IARS1: variants seen among roughly 807,000 people sequenced by gnomAD.
The protein encoded by IARS1 is isoleucyl-tRNA synthetase 1, also known as isoleucine--tRNA ligase, cytoplasmic.
In IARS1, 124 loss-of-function variants were observed where a neutral mutation model predicts 168.2. The observed-to-expected ratio is 0.74, with a 90% CI of 0.64 to 0.86. The LOEUF (loss-of-function observed/expected upper bound fraction) is 0.86. Ranked by LOEUF, IARS1 falls within the 40% of genes least tolerant of loss-of-function variation. The probability of loss-of-function intolerance (pLI) is 0.00; values close to 1 mark genes in which losing one functional copy is unlikely to be tolerated. For synonymous variants in IARS1, 532 were observed against 529.4 expected (o/e 1.00, Z -0.07); for missense variants, 1,452 against 1,515.8 (o/e 0.96, Z 0.70).
rs558382835 is a variant in IARS1, at chr9:92,226,654, T to C, written c.3409+2347A>G. On this transcript the variant is annotated intron_variant, in intron 31 of 33. Transcript: ENST00000443024. ...GCAGATGTGCTCCCTCTGAAACCTG[T>C]AGGCGAATTCTTTTTTGCCTCTTCC... Among the ~76,000 whole-genome samples, 9 of 152,266 alleles carry C rather than the reference T, an allele frequency of 5.9e-5. No individual in the cohort carries two copies. The South Asian group carries it at 1.9e-3, about 32-fold the overall frequency.
chr9:92,213,386 G>A (rs920608698), intron 33 of IARS1, among the ~76,000 whole-genome samples: 11 of 152,202 alleles, frequency 7.2e-5, no homozygotes, highest in Admixed American at 7.2e-4. Context: ...TGAAGAGAAT[G>A]TAATCGGTTA....
Position 92,271,009 on chromosome 9 carries a change from G to A in IARS1, c.1181C>T (p.Thr394Ile). The A allele has an allele frequency of 6.2e-7, 1 of 1,612,324 alleles. No individual in the cohort carries two copies. Among genetic ancestry groups the A allele is most frequent in the Non-Finnish European group, 8.5e-7 (1 of 1,179,006 alleles). Residue 394 changes from threonine to isoleucine, a missense_variant, in exon 12 of 34, where the codon ACT becomes ATT. Thr to Ile is a moderately conservative substitution (Grantham distance 89). Transcript: ENST00000443024. The part of the protein sequence containing the change: ...QGRLLVATTF[T>I]HSYPFCWRSD... ...CCTCCAGCAAAAAGGGTAGCTGTGA[G>A]TGAAGGTGGTGGCAACCAGAAGTCG...
intron 33 of IARS1, among the ~76,000 whole-genome samples, chr9:92,218,125 C>T (rs1305036377): frequency 6.6e-6 from 1 of 151,988 alleles, no homozygotes; most frequent in Non-Finnish European, 1.5e-5. Context: ...TCAATATACG[C>T]AAATCAGTAA....
At position 92,289,176 on chromosome 9, in the gene IARS1, C is replaced by CAGCCTGGATGACAGTGCG. The variant is rs1835919791; in HGVS notation, c.119+107_119+124dup. The CAGCCTGGATGACAGTGCG allele has an allele frequency of 5.9e-6, 3 of 511,168 alleles. No homozygotes were observed. The Admixed American group carries it at 1.2e-4, about 20-fold the overall frequency. The allele number at this position is 511,168 out of a possible 1,614,324, so 31.7% of individuals were successfully genotyped here. The stretch of plus-strand genomic sequence containing the variant: ...GAGCAGAGATTGCACCACTGCCCTC[C>CAGCCTGGATGACAGTGCG]AGCCTGGATGACAGTGCGAGACTCC... On this transcript the variant is annotated intron_variant, in intron 2 of 33. Transcript: ENST00000443024.
At chr9:92,244,927 G>T in intron 27 of IARS1, 32 bp downstream of exon 27, 1 of 1,536,374 alleles carries the variant, frequency 6.5e-7, no homozygotes, top group Non-Finnish European at 9.0e-7. Flanking sequence ...TCATCTCTTG[G>T]TAAAGAAATG....
intron 14 of IARS1, among the ~76,000 whole-genome samples, chr9:92,267,383 C>T (rs1300746186): frequency 2.0e-5 from 3 of 152,168 alleles, no homozygotes; most frequent in Non-Finnish European, 2.9e-5. Flanking sequence ...AGGGTGCTGC[C>T]GCTCATCACT....
At chr9:92,249,829 A>G in intron 25 of IARS1, 29 bp downstream of exon 25, 2 of 1,171,844 alleles carry the variant, frequency 1.7e-6, no homozygotes, top group Non-Finnish European at 2.5e-6. Flanking sequence ...GTCTATCTGT[A>G]CCAAAAACAG....
chr9:92,247,774 G>A lies in IARS1; in HGVS notation c.2617-223C>T, dbSNP rs191592007. ...CATATGTGCTACAACATAAATTAATGTGAAACATTATGCTAGGTGAAACAC... is the reference window on the plus strand; with the variant it reads ...CATATGTGCTACAACATAAATTAATATGAAACATTATGCTAGGTGAAACAC... On this transcript the variant is annotated intron_variant, in intron 25 of 33. Transcript: ENST00000443024. Among the ~76,000 whole-genome samples the A allele has an allele frequency of 9.2e-5, 14 of 152,298 alleles. No individual in the cohort carries two copies. In the East Asian group the frequency reaches 2.7e-3, roughly 29 times the overall value.
At chr9:92,281,626 T>C (rs1248014643) in intron 6 of IARS1, among the ~76,000 whole-genome samples, 1 of 152,044 alleles carries the variant, frequency 6.6e-6, no homozygotes. Flanking sequence ...AACAGACCCA[T>C]ATAAATTCAG....
chr9:92,241,851 A>G (rs1828455692), intron 29 of IARS1, among the ~76,000 whole-genome samples: 1 of 152,174 alleles, frequency 6.6e-6, no homozygotes, highest in Non-Finnish European at 1.5e-5. Context: ...AATTACCAGA[A>G]TCCACACACT....
At chr9:92,278,545 A>AT (rs1408635181) in intron 7 of IARS1, among the ~76,000 whole-genome samples, 10 of 152,160 alleles carry the variant, frequency 6.6e-5, no homozygotes, top group Non-Finnish European at 1.5e-4. Flanking sequence ...GTAAATCTTT[A>AT]TTTTTTCCTT....
intron 14 of IARS1, among the ~76,000 whole-genome samples, chr9:92,267,084 T>C: frequency 6.6e-6 from 1 of 152,158 alleles, no homozygotes; most frequent in Non-Finnish European, 1.5e-5. Context: ...CATGACTATA[T>C]TATGCTTGGA....
At chr9:92,232,759 G>A (rs1477813635) in intron 30 of IARS1, among the ~76,000 whole-genome samples, 1 of 152,126 alleles carries the variant, frequency 6.6e-6, no homozygotes, top group Non-Finnish European at 1.5e-5. Flanking sequence ...GACCAGACTG[G>A]GCAGTGTAGT....
rs149390733 is a variant in IARS1, at chr9:92,238,793, A to G, written c.3283+2063T>C. 2.3e-3 allele frequency among the ~76,000 whole-genome samples: 355 copies of G among 152,274 alleles called. 4 individuals are homozygous for G. Among genetic ancestry groups the G allele is most frequent in the African/African-American group, 8.0e-3 (333 of 41,554 alleles). ...AACTTCCTAAGGTCCACTGGTGTCAATATTTTACCGGTTTGTGACAAATGT... is the reference window on the plus strand; with the variant it reads ...AACTTCCTAAGGTCCACTGGTGTCAGTATTTTACCGGTTTGTGACAAATGT... On this transcript the variant is annotated intron_variant, in intron 30 of 33. Coordinates refer to ENST00000443024, the MANE Select transcript of IARS1 (RefSeq NM_002161.6).
chr9:92,290,399 T>C (rs781220848), intron 1 of IARS1, among the ~76,000 whole-genome samples: 1 of 152,348 alleles, frequency 6.6e-6, no homozygotes. Flanking sequence ...GGGCTCTTTT[T>C]GTGGTTGGGT....
intron 30 of IARS1, among the ~76,000 whole-genome samples, chr9:92,237,732 G>A (rs1054017402): frequency 6.6e-6 from 1 of 152,106 alleles, no homozygotes; most frequent in Non-Finnish European, 1.5e-5. Context: ...TTGCTCTGAA[G>A]TCTGTTTCAT....
chr9:92,258,451 C>G (rs931779807), intron 19 of IARS1, among the ~76,000 whole-genome samples: 41 of 152,242 alleles, frequency 2.7e-4, no homozygotes, highest in African/African-American at 8.9e-4. Context: ...AAACAATTAG[C>G]CAGGCATGGT....
chr9:92,275,916 A>G (rs969631473), intron 9 of IARS1, among the ~76,000 whole-genome samples: 1 of 152,232 alleles, frequency 6.6e-6, no homozygotes, highest in African/African-American at 2.4e-5. Context: ...GTGTTATTCA[A>G]CTTAATACCT....
intron 8 of IARS1, 119 bp from the exon 9 acceptor site, chr9:92,278,042 T>C (rs1834009517): frequency 1.8e-6 from 2 of 1,109,000 alleles, no homozygotes; most frequent in Non-Finnish European, 2.7e-6. Context: ...ATTCATGCTG[T>C]AATGTGTGAC....
Sources: allele counts gnomAD v4.1 joint callset (sites outside exome capture counted in the v4.1 genomes callset), GRCh38; gene constraint gnomAD v4.1.1; transcripts MANE v1.5; gene names NCBI Gene and HGNC (gene_info 2026-07-23, HGNC 2026-07-21).